Variants in RBM8A observed in about 807,000 individuals in gnomAD.
RBM8A encodes RNA binding motif protein 8A.
RBM8A carries 8 observed loss-of-function variants against 25.1 expected under a neutral mutation model. That is an observed-to-expected ratio of 0.32 (90% confidence interval 0.19 to 0.58). The LOEUF is 0.58. Among genes scored for constraint, RBM8A ranks in the 20% least tolerant of loss-of-function variants. The pLI, the probability that RBM8A is intolerant of heterozygous loss-of-function variation, is 0.88. For synonymous variants in RBM8A, 66 were observed against 80.0 expected, an observed-to-expected ratio of 0.82 and a Z score of 0.94; for missense variants, 114 against 236.8, an observed-to-expected ratio of 0.48 and a Z score of 3.40.
In RBM8A at chr1:145,927,477, G is replaced by A. The variant is rs782331365; in HGVS notation, c.-51C>T. The stretch of plus-strand genomic sequence containing the variant: ...GTGCCGCTCAGACACTAGGTACCTC[G>A]GGAAACTGTCGCAGAGGGGAAAGGT... On this transcript the variant is annotated 5_prime_UTR_variant, in exon 1 of 6. Coordinates refer to ENST00000583313, the MANE Select transcript of RBM8A (RefSeq NM_005105.5). The A allele has an allele frequency of 3.8e-6, 6 of 1,578,778 alleles. No homozygotes were observed. The highest frequency in any genetic ancestry group is 3.4e-5 in the South Asian group (3 of 87,304).
Position 145,924,965 on chromosome 1 carries a change from C to A in RBM8A, c.*917G>T. The stretch of plus-strand genomic sequence containing the variant: ...CTGGGTATGTGGTACTGGTTCTCCC[C>A]CACCATGCTAACTGAAGTCCCTCCC... On this transcript the variant is annotated 3_prime_UTR_variant, in exon 6 of 6. Transcript: ENST00000583313. The A allele has an allele frequency of 3.4e-6, 1 of 296,382 alleles. No homozygotes were observed. Among genetic ancestry groups the A allele is most frequent in the Non-Finnish European group, 6.2e-6 (1 of 160,978 alleles). The allele number at this position is 296,382 out of a possible 1,614,324, so 18.4% of individuals were successfully genotyped here. A position where few individuals can be genotyped will look rare whatever the true frequency, so the allele number is the denominator to read the frequency against.
chr1:145,925,543 C>A lies in RBM8A; in HGVS notation c.*339G>T, dbSNP rs587727479. 2.9e-6 allele frequency: 1 copy of A among 346,258 alleles called. No individual in the cohort carries two copies. Among genetic ancestry groups the A allele is most frequent in the East Asian group, 7.6e-5 (1 of 13,152 alleles). 21.4% of individuals were successfully genotyped at this position (346,258 alleles called of 1,614,324 possible). A position where few individuals can be genotyped will look rare whatever the true frequency, so the allele number is the denominator to read the frequency against. On this transcript the variant is annotated 3_prime_UTR_variant, in exon 6 of 6. Coordinates refer to ENST00000583313, the MANE Select transcript of RBM8A (RefSeq NM_005105.5). ...ATGGCTTGAGCCCAAGAGTTTGAAG[C>A]TGCAGTGAGCTATGATCAGCTGCAA...
chr1:145,927,318 G>C lies in RBM8A; in HGVS notation c.67+42C>G, dbSNP rs782150690. On this transcript the variant is annotated intron_variant, in intron 1 of 5. Coordinates refer to ENST00000583313, the MANE Select transcript of RBM8A (RefSeq NM_005105.5). ...AATTTTCCTATTATAGCCTTCTCTCGCACCTTCCCCGCTTCCCACCAGCCG... is the reference window on the plus strand; with the variant it reads ...AATTTTCCTATTATAGCCTTCTCTCCCACCTTCCCCGCTTCCCACCAGCCG... 4 of 1,593,732 alleles carry C rather than the reference G, an allele frequency of 2.5e-6. No individual in the cohort carries two copies. The African/African-American group carries it at 4.0e-5, about 16-fold the overall frequency.
At position 145,925,808 on chromosome 1, in the gene RBM8A, C is replaced by T; in HGVS notation, c.*74G>A. ...TTAAATATAAACACAGCAAGTTCCA[C>T]CCCAGTCCTATTTGTCCAAGGCTGC... On this transcript the variant is annotated 3_prime_UTR_variant, in exon 6 of 6. Transcript: ENST00000583313. 2 of 1,482,482 alleles carry T rather than the reference C, an allele frequency of 1.3e-6. No individual in the cohort carries two copies. The highest frequency in any genetic ancestry group is 1.1e-5 in the South Asian group (1 of 88,052). The allele number at this position is 1,482,482 out of a possible 1,614,324, so 91.8% of individuals were successfully genotyped here.
At chr1:145,926,640 T>A (rs369761582) in intron 3 of RBM8A, 22 bp from the exon 4 acceptor site, 3 of 1,613,700 alleles carry the variant, frequency 1.9e-6, no homozygotes, top group Non-Finnish European at 2.5e-6. Context: ...CGGGGGGAAG[T>A]TGTATGAGTA....
intron 1 of RBM8A, 109 bp downstream of exon 1, chr1:145,927,251 G>A: frequency 6.8e-7 from 1 of 1,466,800 alleles, no homozygotes; most frequent in Non-Finnish European, 9.3e-7. Flanking sequence ...CCCAAGACCC[G>A]GTTCCTCGAT....
In RBM8A at chr1:145,927,049, C is replaced by T. The variant is rs1320522406; in HGVS notation, c.96G>A (p.Ala32=). 3 of 1,614,022 alleles carry T rather than the reference C, an allele frequency of 1.9e-6. No individual in the cohort carries two copies. Among genetic ancestry groups the T allele is most frequent in the East Asian group, 2.2e-5 (1 of 44,890 alleles). The change falls in exon 2 of 6, where the codon GCG becomes GCA. Residue 32 remains alanine, a synonymous_variant. Coordinates refer to ENST00000583313, the MANE Select transcript of RBM8A (RefSeq NM_005105.5). Reference sequence around the variant, plus strand: ...CAAAGCCGCGACCCTTCCGTTTCTTCGCTTTTTCTTTCAGTTTGTGAATGC... The same window carrying T: ...CAAAGCCGCGACCCTTCCGTTTCTTTGCTTTTTCTTTCAGTTTGTGAATGC... ...DESIHKLKEK[A]KKRKGRGFGS... is the part of the protein sequence containing the mutation.
chr1:145,925,985 A>T (rs587672494), intron 5 of RBM8A, 56 bp downstream of exon 5: 13 of 1,614,182 alleles, frequency 8.1e-6, no homozygotes, highest in African/African-American at 1.3e-5. Context: ...CTAAGTCCTC[A>T]TTCTGTTTCG....
At position 145,923,378 on chromosome 1, in the gene RBM8A, T is replaced by TCGTAACTC. The variant is rs1647917217; in HGVS notation, c.*2496_*2503dup. The TCGTAACTC allele has an allele frequency of 6.5e-6, 1 of 152,878 alleles. No individual in the cohort carries two copies. The highest frequency in any genetic ancestry group is 2.4e-5 in the African/African-American group (1 of 41,516). 9.5% of individuals were successfully genotyped at this position (152,878 alleles called of 1,614,324 possible). A position where few individuals can be genotyped will look rare whatever the true frequency, so the allele number is the denominator to read the frequency against. ...TCCCAACTAGCTCAGAGTAGCCTGA[T>TCGTAACTC]CGTAACTCCAAACAGTTCACAAAAT... On this transcript the variant is annotated 3_prime_UTR_variant, in exon 6 of 6. Coordinates refer to ENST00000583313, the MANE Select transcript of RBM8A (RefSeq NM_005105.5).
Position 145,926,629 on chromosome 1 carries a change from ACGGGG to A in RBM8A, c.206-16_206-12del. Reference sequence around the variant, plus strand: ...TCCAGCCTTCAACAGCTGTTGGGGGACGGGGGGAAGTTGTATGAGTACATGAGAGA... The same window carrying A: ...TCCAGCCTTCAACAGCTGTTGGGGGAGGAAGTTGTATGAGTACATGAGAGA... On this transcript the variant is annotated splice_polypyrimidine_tract_variant and intron_variant, in intron 3 of 5. Coordinates refer to ENST00000583313, the MANE Select transcript of RBM8A (RefSeq NM_005105.5). 1 of 1,613,776 alleles carries A rather than the reference ACGGGG, an allele frequency of 6.2e-7. No homozygotes were observed. The highest frequency in any genetic ancestry group is 8.5e-7 in the Non-Finnish European group (1 of 1,179,918).
In RBM8A at chr1:145,923,862, A is replaced by G. The variant is rs1446868068; in HGVS notation, c.*2020T>C. 1.1e-5 allele frequency: 6 copies of G among 536,246 alleles called. No individual in the cohort carries two copies. Among genetic ancestry groups the G allele is most frequent in the African/African-American group, 1.9e-5 (1 of 53,054 alleles). 33.2% of individuals were successfully genotyped at this position (536,246 alleles called of 1,614,324 possible). Reference sequence around the variant, plus strand: ...TAAAAATATGAGTGAGGTGGTAGAAATATCATCCCTTATAAAGCGCAATGT... The same window carrying G: ...TAAAAATATGAGTGAGGTGGTAGAAGTATCATCCCTTATAAAGCGCAATGT... On this transcript the variant is annotated 3_prime_UTR_variant, in exon 6 of 6. Coordinates refer to ENST00000583313, the MANE Select transcript of RBM8A (RefSeq NM_005105.5).
intron 1 of RBM8A, 49 bp downstream of exon 1, chr1:145,927,311 T>C (rs781857435): frequency 6.3e-7 from 1 of 1,585,810 alleles, no homozygotes; most frequent in South Asian, 1.1e-5. Flanking sequence ...TATTATAGCC[T>C]TCTCTCGCAC....
At position 145,927,281 on chromosome 1, in the gene RBM8A, G is replaced by A. The variant is rs587701205; in HGVS notation, c.67+79C>T. The A allele has an allele frequency of 6.0e-5, 91 of 1,523,290 alleles. No individual in the cohort carries two copies. In the South Asian group the frequency reaches 7.5e-4, roughly 13 times the overall value. The allele number at this position is 1,523,290 out of a possible 1,614,324, so 94.4% of individuals were successfully genotyped here. A position where few individuals can be genotyped will look rare whatever the true frequency, so the allele number is the denominator to read the frequency against. ...CTCGATTCCCATCCTTACGACCGAG[G>A]AAAAAAGAGTAAATTTTCCTATTAT... On this transcript the variant is annotated intron_variant, in intron 1 of 5. Coordinates refer to ENST00000583313, the MANE Select transcript of RBM8A (RefSeq NM_005105.5).
intron 2 of RBM8A, 37 bp from the exon 3 acceptor site, chr1:145,926,923 C>G (rs1553756061): frequency 2.5e-6 from 4 of 1,614,112 alleles, no homozygotes; most frequent in Non-Finnish European, 3.4e-6. Context: ...GAAAACTCCT[C>G]CTTTCTCCCA....
rs782456158 is a variant in RBM8A, at chr1:145,926,599, G to C, written c.225C>G (p.Leu75=). 1 of 1,614,140 alleles carries C rather than the reference G, an allele frequency of 6.2e-7. No individual in the cohort carries two copies. Among genetic ancestry groups the C allele is most frequent in the South Asian group, 1.1e-5 (1 of 91,078 alleles). ...CTTCCTCATGGACTCCAGTTACAAA[G>C]AGAATCCAGCCTTCAACAGCTGTTG... ...GPQRSVEGWI[L]FVTGVHEEAT... is the part of the protein sequence containing the mutation. Residue 75 remains leucine, a synonymous_variant, in exon 4 of 6, where the codon CTC becomes CTG. Coordinates refer to ENST00000583313, the MANE Select transcript of RBM8A (RefSeq NM_005105.5).
chr1:145,926,417 C>T, intron 4 of RBM8A, 65 bp downstream of exon 4: 1 of 1,578,446 alleles, frequency 6.3e-7, no homozygotes. Flanking sequence ...ACAGCAAACA[C>T]AGAACTACGA....
chr1:145,927,427 C>G lies in RBM8A; in HGVS notation c.-1G>C. 1 of 1,610,292 alleles carries G rather than the reference C, an allele frequency of 6.2e-7. No individual in the cohort carries two copies. Among genetic ancestry groups the G allele is most frequent in the Non-Finnish European group, 8.5e-7 (1 of 1,178,446 alleles). On this transcript the variant is annotated 5_prime_UTR_variant, in exon 1 of 6. Coordinates refer to ENST00000583313, the MANE Select transcript of RBM8A (RefSeq NM_005105.5). Reference sequence around the variant, plus strand: ...CGTGAAGATCTAGCACGTCCGCCATCTCGCCTTCGATCGAGATCTCGTCTG... The same window carrying G: ...CGTGAAGATCTAGCACGTCCGCCATGTCGCCTTCGATCGAGATCTCGTCTG...
chr1:145,921,881 C>T lies in RBM8A; in HGVS notation c.*4001G>A, dbSNP rs868910890. 6.6e-6 allele frequency: 1 copy of T among 152,226 alleles called. No individual in the cohort carries two copies. The highest frequency in any genetic ancestry group is 2.4e-5 in the African/African-American group (1 of 41,452). 9.4% of individuals were successfully genotyped at this position (152,226 alleles called of 1,614,324 possible). ...TGATTTAAGATTTGATCCTTACTTACATCCTCAATTATTAGAAATATAACT... is the reference window on the plus strand; with the variant it reads ...TGATTTAAGATTTGATCCTTACTTATATCCTCAATTATTAGAAATATAACT... On this transcript the variant is annotated 3_prime_UTR_variant, in exon 6 of 6. Transcript: ENST00000583313.
Position 145,923,480 on chromosome 1 carries a change from T to C in RBM8A, c.*2402A>G, listed in dbSNP as rs144442231. Reference sequence around the variant, plus strand: ...AAATCACTTTCCCAAATGCCTTGTATCTAGGAATCTGATGCCTACTGAGCT... The same window carrying C: ...AAATCACTTTCCCAAATGCCTTGTACCTAGGAATCTGATGCCTACTGAGCT... On this transcript the variant is annotated 3_prime_UTR_variant, in exon 6 of 6. Coordinates refer to ENST00000583313, the MANE Select transcript of RBM8A (RefSeq NM_005105.5). 80 of 159,352 alleles carry C rather than the reference T, an allele frequency of 5.0e-4. 1 individual carries two copies. Among genetic ancestry groups the C allele is most frequent in the African/African-American group, 1.8e-3 (74 of 41,914 alleles). The allele number at this position is 159,352 out of a possible 1,614,324, so 9.9% of individuals were successfully genotyped here.
Sources: allele counts gnomAD v4.1 joint callset, GRCh38; gene constraint gnomAD v4.1.1; transcripts MANE v1.5; gene names NCBI Gene and HGNC (gene_info 2026-07-23, HGNC 2026-07-21).